Variants in CRYGN observed in about 807,000 individuals in gnomAD.
CRYGN encodes crystallin gamma N.
A neutral mutation model predicts 19.2 loss-of-function variants in CRYGN; 17 were observed. The observed-to-expected ratio is 0.89, with a 90% confidence interval of 0.61 to 1.33. The LOEUF is 1.33. Ranked by LOEUF, CRYGN falls within the 40% of genes most tolerant of loss-of-function variation. The probability of loss-of-function intolerance (pLI) is 0.00; values close to 1 mark genes in which losing one functional copy is unlikely to be tolerated. For missense variants in CRYGN, 239 were observed against 239.6 expected (o/e 1.00, Z 0.02); for synonymous variants, 84 against 85.8 (o/e 0.98, Z 0.12).
At position 151,436,364 on chromosome 7, in the gene CRYGN, G is replaced by A. The variant is rs757966082; in HGVS notation, c.271-39C>T. On this transcript the variant is annotated intron_variant, in intron 2 of 3. Transcript: ENST00000337323. The surrounding 1 kb of genome is among the most constrained non-coding windows in gnomAD (Gnocchi z 5.1). ...CAAAAAAGAAGGAAAGAAGGAGGTT[G>A]CTGTGAATTCCCCTCTCCCAGAAAC... 9.6e-6 allele frequency: 14 copies of A among 1,464,526 alleles called. No homozygotes were observed. In the African/African-American group the frequency reaches 2.0e-4, roughly 21 times the overall value. The allele number at this position is 1,464,526 out of a possible 1,614,324, so 90.7% of individuals were successfully genotyped here. A position where few individuals can be genotyped will look rare whatever the true frequency, so the allele number is the denominator to read the frequency against.
rs1801577753 is a variant in CRYGN, at chr7:151,435,386, T to C, written c.416+794A>G. 6.6e-6 allele frequency among the ~76,000 whole-genome samples: 1 copy of C among 152,138 alleles called. No homozygotes were observed. The highest frequency in any genetic ancestry group is 1.5e-5 in the Non-Finnish European group (1 of 68,030). On this transcript the variant is annotated intron_variant, in intron 3 of 3. Transcript: ENST00000337323. The surrounding 1 kb of genome is among the most constrained non-coding windows in gnomAD (Gnocchi z 4.2). ...AGCCTTCTGAGTCTCAGCTTGCCCT[T>C]TGTAGAACGGGGGCGATAATATCTA...
chr7:151,439,055 G>A (rs1801694736), intron 1 of CRYGN: 1 of 152,232 alleles, frequency 6.6e-6, no homozygotes, highest in Non-Finnish European at 1.5e-5. Context: ...GCCCTAGAAG[G>A]GTCCTGCCAG....
intron 3 of CRYGN, among the ~76,000 whole-genome samples, chr7:151,434,877 T>C (rs1325702317): frequency 6.6e-6 from 1 of 152,224 alleles, no homozygotes; most frequent in African/African-American, 2.4e-5. Context: ...CAAGAACCTA[T>C]CCACAATGTT....
At chr7:151,439,790 C>T in intron 1 of CRYGN, 107 bp downstream of exon 1, 2 of 1,217,334 alleles carry the variant, frequency 1.6e-6, no homozygotes, top group Admixed American at 2.8e-5. Context: ...AAACCAGCTT[C>T]CCTTGGATTT....
chr7:151,436,182 T>A lies in CRYGN; in HGVS notation c.414A>T (p.Gly138=). Residue 138 remains glycine, a splice_region_variant and synonymous_variant, in exon 3 of 4, where the codon GGA becomes GGT. Transcript: ENST00000337323. This position sits in a 1 kb window ranked among gnomAD's most constrained non-coding sequence, Gnocchi z 5.1. ...GCGGCCACGTGGCCTGTACTCACGC[T>A]CCGTCCCCGTACACCTTGATGGTGT... ...CVNTIKVYGD[G]AAWSPRSFGA... 6.7e-7 allele frequency: 1 copy of A among 1,493,584 alleles called. No individual in the cohort carries two copies. Among genetic ancestry groups the A allele is most frequent in the East Asian group, 2.6e-5 (1 of 39,040 alleles). The allele number at this position is 1,493,584 out of a possible 1,614,324, so 92.5% of individuals were successfully genotyped here.
At position 151,435,599 on chromosome 7, in the gene CRYGN, T is replaced by C. The variant is rs1379421317; in HGVS notation, c.416+581A>G. On this transcript the variant is annotated intron_variant, in intron 3 of 3. Coordinates refer to ENST00000337323, the MANE Select transcript of CRYGN (RefSeq NM_144727.3). The surrounding 1 kb of genome is among the most constrained non-coding windows in gnomAD (Gnocchi z 4.2). ...TGGGCCTGGGCAAAATTCCCCCAGCTACTTTCTGTCCAGGAGTGAGCCACC... is the reference window on the plus strand; with the variant it reads ...TGGGCCTGGGCAAAATTCCCCCAGCCACTTTCTGTCCAGGAGTGAGCCACC... 6.6e-6 allele frequency among the ~76,000 whole-genome samples: 1 copy of C among 152,034 alleles called. No homozygotes were observed. Among genetic ancestry groups the C allele is most frequent in the East Asian group, 1.9e-4 (1 of 5,156 alleles).
rs1354875454 is a variant in CRYGN at position 151,439,910 on chromosome 7, T to C, written c.8A>G (p.Gln3Arg). The C allele has an allele frequency of 3.2e-6, 5 of 1,547,874 alleles. No individual in the cohort carries two copies. The highest frequency in any genetic ancestry group is 1.2e-5 in the South Asian group (1 of 82,746). The stretch of plus-strand genomic sequence containing the variant: ...GGACGCACTCACCTTCCCCGAGCGC[T>C]GCGCCATGGTGCGCCCCGCCCCTTC... Reference protein sequence around the residue: MAQRSGKITLYEG... With the variant: MARRSGKITLYEG... The change falls in exon 1 of 4, where the codon CAG becomes CGG. Residue 3 changes from glutamine to arginine, a missense_variant. Coordinates refer to ENST00000337323, the MANE Select transcript of CRYGN (RefSeq NM_144727.3).
chr7:151,437,993 C>A lies in CRYGN; in HGVS notation c.270+3G>T. ...TCAGCCTTCGGTGGACGGGCCCACT[C>A]ACCATTCCTACAGGCCGACAGGAGC... On this transcript the variant is annotated splice_donor_region_variant and intron_variant, in intron 2 of 3. Coordinates refer to ENST00000337323, the MANE Select transcript of CRYGN (RefSeq NM_144727.3). 1 of 1,612,724 alleles carries A rather than the reference C, an allele frequency of 6.2e-7. No individual in the cohort carries two copies. The highest frequency in any genetic ancestry group is 8.5e-7 in the Non-Finnish European group (1 of 1,180,032).
chr7:151,434,061 C>A (rs1281274361), intron 3 of CRYGN, among the ~76,000 whole-genome samples: 1 of 152,124 alleles, frequency 6.6e-6, no homozygotes, highest in Non-Finnish European at 1.5e-5. Context: ...CTCCCCCGAC[C>A]CCAGGAAAGG....
chr7:151,431,224 C>T lies in CRYGN; in HGVS notation c.417-1044G>A, dbSNP rs1020351459. 2.8e-4 allele frequency among the ~76,000 whole-genome samples: 42 copies of T among 152,170 alleles called. No individual in the cohort carries two copies. Among genetic ancestry groups the T allele is most frequent in the Admixed American group, 1.6e-3 (24 of 15,292 alleles). On this transcript the variant is annotated intron_variant, in intron 3 of 3. Coordinates refer to ENST00000337323, the MANE Select transcript of CRYGN (RefSeq NM_144727.3). This position sits in a 1 kb window ranked among gnomAD's most constrained non-coding sequence, Gnocchi z 4.8. The stretch of plus-strand genomic sequence containing the variant: ...CCAGAGTTCCCCTCGTGGGACCTTT[C>T]CTCTCTCCCCAGTGAGTTGGAAGCA...
At chr7:151,439,143 T>C (rs1290209692) in intron 1 of CRYGN, 1 of 152,258 alleles carries the variant, frequency 6.6e-6, no homozygotes, top group African/African-American at 2.4e-5. Context: ...AACACGAGAA[T>C]TGCCCTTCCA....
chr7:151,436,185 G>C lies in CRYGN; in HGVS notation c.411C>G (p.Asp137Glu). 1 of 1,516,928 alleles carries C rather than the reference G, an allele frequency of 6.6e-7. No homozygotes were observed. The highest frequency in any genetic ancestry group is 2.1e-5 in the Admixed American group (1 of 47,268). The allele number at this position is 1,516,928 out of a possible 1,614,324, so 94.0% of individuals were successfully genotyped here. ...NCVNTIKVYG[D>E]GAAWSPRSFG... ...GCCACGTGGCCTGTACTCACGCTCC[G>C]TCCCCGTACACCTTGATGGTGTTCA... Residue 137 changes from aspartate (D) to glutamate (E), a missense_variant, in exon 3 of 4, where the codon GAC becomes GAG. Transcript: ENST00000337323. The surrounding 1 kb of genome is among the most constrained non-coding windows in gnomAD (Gnocchi z 5.1).
rs747972860 is a variant in CRYGN, at chr7:151,430,969, G to A, written c.417-789C>T. ...CCCCACTGATCCCTCATCCAGCCAGGCCTTGGTCCAGGCACAGGCCATGTG... is the reference window on the plus strand; with the variant it reads ...CCCCACTGATCCCTCATCCAGCCAGACCTTGGTCCAGGCACAGGCCATGTG... On this transcript the variant is annotated intron_variant, in intron 3 of 3. Coordinates refer to ENST00000337323, the MANE Select transcript of CRYGN (RefSeq NM_144727.3). The surrounding 1 kb of genome is among the most constrained non-coding windows in gnomAD (Gnocchi z 5.2). Among the ~76,000 whole-genome samples, 8 of 152,218 alleles carry A rather than the reference G, an allele frequency of 5.3e-5. No individual in the cohort carries two copies. Among genetic ancestry groups the A allele is most frequent in the African/African-American group, 1.7e-4 (7 of 41,444 alleles).
chr7:151,440,339 T>C (rs946753402), upstream of CRYGN: 3 of 229,320 alleles, frequency 1.3e-5, no homozygotes, highest in Non-Finnish European at 2.5e-5. Context: ...CACTCCCCTT[T>C]CTCACCTGGC....
At chr7:151,438,280 G>A in intron 1 of CRYGN, 36 bp from the exon 2 acceptor site, 3 of 1,575,894 alleles carry the variant, frequency 1.9e-6, no homozygotes, top group Non-Finnish European at 2.6e-6. Context: ...AGGGTCAGGG[G>A]CTTCTCTCCG....
rs1051424746 is a variant in CRYGN, at chr7:151,431,872, G to A, written c.417-1692C>T. 2.8e-5 allele frequency: 7 copies of A among 250,658 alleles called. No homozygotes were observed. The highest frequency in any genetic ancestry group is 1.8e-4 in the South Asian group (1 of 5,660). The allele number at this position is 250,658 out of a possible 1,614,324, so 15.5% of individuals were successfully genotyped here. Reference sequence around the variant, plus strand: ...AAGCGAGCCTGGGGAGTCCTGAACCGGCCTGGGTTCCGGCCCTGCCCCATC... The same window carrying A: ...AAGCGAGCCTGGGGAGTCCTGAACCAGCCTGGGTTCCGGCCCTGCCCCATC... On this transcript the variant is annotated intron_variant, in intron 3 of 3. Coordinates refer to ENST00000337323, the MANE Select transcript of CRYGN (RefSeq NM_144727.3). The surrounding 1 kb of genome is among the most constrained non-coding windows in gnomAD (Gnocchi z 4.8).
Position 151,429,947 on chromosome 7 carries a change from C to G in CRYGN, c.*101G>C. ...CACACAGAAGGCTCCACCTCCCTAA[C>G]AAACTGGCAGAGAAATGAAAACTGA... On this transcript the variant is annotated 3_prime_UTR_variant, in exon 4 of 4. Coordinates refer to ENST00000337323, the MANE Select transcript of CRYGN (RefSeq NM_144727.3). The G allele has an allele frequency of 1.3e-6, 1 of 751,406 alleles. No individual in the cohort carries two copies. The allele number at this position is 751,406 out of a possible 1,614,324, so 46.5% of individuals were successfully genotyped here.
chr7:151,430,193 G>A lies in CRYGN; in HGVS notation c.417-13C>T. On this transcript the variant is annotated splice_polypyrimidine_tract_variant and intron_variant, in intron 3 of 3. Coordinates refer to ENST00000337323, the MANE Select transcript of CRYGN (RefSeq NM_144727.3). This position sits in a 1 kb window ranked among gnomAD's most constrained non-coding sequence, Gnocchi z 5.2. ...AGGGCTCCATGCTCTGTGGTTTGCA[G>A]GTGAAAGGAGGTGGGGCCAGGGCAT... is the stretch of plus-strand genomic sequence containing the variant. The A allele has an allele frequency of 2.5e-6, 4 of 1,613,360 alleles. No homozygotes were observed. The highest frequency in any genetic ancestry group is 3.4e-6 in the Non-Finnish European group (4 of 1,179,980).
At chr7:151,437,901 G>A in intron 2 of CRYGN, 95 bp downstream of exon 2, 1 of 1,591,568 alleles carries the variant, frequency 6.3e-7, no homozygotes, top group Non-Finnish European at 8.5e-7. Flanking sequence ...AAGCCGGGAG[G>A]ACCACGCTCC....
Sources: allele counts gnomAD v4.1 joint callset (sites outside exome capture counted in the v4.1 genomes callset), GRCh38; gene constraint gnomAD v4.1.1; non-coding constraint Gnocchi (gnomAD v3.1); transcripts MANE v1.5; gene names NCBI Gene and HGNC (gene_info 2026-07-23, HGNC 2026-07-21).